Variants in DDIAS observed in about 807,000 individuals in gnomAD.
DDIAS encodes DNA damage induced apoptosis suppressor.
DDIAS carries 14 observed loss-of-function variants against 15.7 expected under a neutral mutation model. The ratio of observed to expected loss-of-function variants is 0.89; its 90% CI spans 0.59 to 1.39. The LOEUF is 1.39. DDIAS is among the 40% of genes most tolerant of loss of function. The pLI is 0.00. For missense variants in DDIAS, 1,035 were observed against 1,130.9 expected (o/e 0.92, Z 1.22); for synonymous variants, 355 against 395.9 (o/e 0.90, Z 1.23).
At chr11:82,929,928 C>A (rs1860948431) in intron 4 of DDIAS, among the ~76,000 whole-genome samples, 2 of 152,098 alleles carry the variant, frequency 1.3e-5, no homozygotes, top group Non-Finnish European at 2.9e-5. Flanking sequence ...CATTGCCGGG[C>A]CTGATGGTTA....
At chr11:82,913,661 C>A in intron 2 of DDIAS, 1 of 426,642 alleles carries the variant, frequency 2.3e-6, no homozygotes, top group Admixed American at 3.0e-5. Context: ...CAAGATGTAT[C>A]AAATGAGCAC....
Position 82,932,529 on chromosome 11 carries a change from A to T in DDIAS, c.1191A>T (p.Arg397Ser). ...RSACCPPSLL[R>S]LEETASSSQD... ...CATGTTGTCCACCTTCGTTACTCAGACTTGAAGAGACAGCCAGCAGTTCCC... is the reference window on the plus strand; with the variant it reads ...CATGTTGTCCACCTTCGTTACTCAGTCTTGAAGAGACAGCCAGCAGTTCCC... The change falls in exon 6 of 6, where the codon AGA becomes AGT. Residue 397 changes from arginine to serine, a missense_variant. Transcript: ENST00000533655. The T allele has an allele frequency of 6.2e-7, 1 of 1,614,168 alleles. No individual in the cohort carries two copies. The highest frequency in any genetic ancestry group is 8.5e-7 in the Non-Finnish European group (1 of 1,180,016).
intron 3 of DDIAS, among the ~76,000 whole-genome samples, chr11:82,925,128 T>G (rs1860832683): frequency 6.6e-6 from 1 of 152,228 alleles, no homozygotes; most frequent in South Asian, 2.1e-4. Flanking sequence ...TTGCAAAATG[T>G]AAAACAATGC....
intron 5 of DDIAS, among the ~76,000 whole-genome samples, chr11:82,931,267 A>C (rs1190035614): frequency 2.0e-5 from 3 of 152,198 alleles, no homozygotes; most frequent in African/African-American, 7.2e-5. Context: ...TACATATGCT[A>C]CTTTGCCTAT....
intron 3 of DDIAS, among the ~76,000 whole-genome samples, chr11:82,924,256 G>T (rs192714083): frequency 1.3e-5 from 2 of 152,102 alleles, no homozygotes; most frequent in Non-Finnish European, 2.9e-5. Flanking sequence ...TTTAATCTGG[G>T]TCTATAAACT....
chr11:82,926,021 A>T (rs34902445), intron 3 of DDIAS, among the ~76,000 whole-genome samples: 1 of 151,796 alleles, frequency 6.6e-6, no homozygotes, highest in Non-Finnish European at 1.5e-5. Flanking sequence ...GGTAATCATT[A>T]TACAGTGTAG....
chr11:82,928,842 C>G lies in DDIAS; in HGVS notation c.179C>G (p.Ser60Cys), dbSNP rs757123332. Residue 60 changes from serine to cysteine, a missense_variant, in exon 4 of 6, where the codon TCC (serine) becomes TGC (cysteine). Physicochemically the swap from Ser to Cys is moderately radical, Grantham distance 112. Coordinates refer to ENST00000533655, the MANE Select transcript of DDIAS (RefSeq NM_145018.4). ...SGNANYRYKL[S>C]LKVAESNKLF... ...AATGCCAATTACAGATACAAACTTT[C>G]CTTAAAAGTTGCAGAATCAAACAAA... 1 of 1,613,004 alleles carries G rather than the reference C, an allele frequency of 6.2e-7. No individual in the cohort carries two copies. Among genetic ancestry groups the G allele is most frequent in the Admixed American group, 1.7e-5 (1 of 59,844 alleles).
chr11:82,910,432 G>C (rs1860507792), intron 1 of DDIAS, among the ~76,000 whole-genome samples: 2 of 151,278 alleles, frequency 1.3e-5, no homozygotes. Flanking sequence ...TGCACACCAG[G>C]CTAATTTTGT....
intron 1 of DDIAS, among the ~76,000 whole-genome samples, chr11:82,906,693 G>C (rs768851999): frequency 2.0e-5 from 3 of 152,068 alleles, no homozygotes; most frequent in Non-Finnish European, 2.9e-5. Flanking sequence ...AAAGAAAATA[G>C]TCTCTGCTCA....
In DDIAS at chr11:82,932,987, A is replaced by T. The variant is rs1210581674; in HGVS notation, c.1649A>T (p.Glu550Val). 8 of 1,611,838 alleles carry T rather than the reference A, an allele frequency of 5.0e-6. No individual in the cohort carries two copies. The South Asian group carries it at 8.8e-5, about 18-fold the overall frequency. Residue 550 changes from glutamate (E) to valine (V), a missense_variant, in exon 6 of 6, where the codon GAA becomes GTA. Transcript: ENST00000533655. ...CTGTCTTCATCTTCAAAAGATTTAG[A>T]AACAATAGTTACTCTTAAGAAGACT... ...SALSSSSKDL[E>V]TIVTLKKTIR...
chr11:82,922,842 T>G (rs1250377834), intron 3 of DDIAS, among the ~76,000 whole-genome samples: 1 of 152,196 alleles, frequency 6.6e-6, no homozygotes, highest in Non-Finnish European at 1.5e-5. Context: ...GGTCTAGGGC[T>G]GAAGGCTGTT....
chr11:82,906,833 T>TG (rs2121313689), intron 1 of DDIAS, among the ~76,000 whole-genome samples: 1 of 152,322 alleles, frequency 6.6e-6, no homozygotes, highest in Admixed American at 6.5e-5. Flanking sequence ...GATAATTTTA[T>TG]GATTTGGTAA....
At chr11:82,922,151 T>G (rs937995441) in intron 3 of DDIAS, among the ~76,000 whole-genome samples, 1 of 152,166 alleles carries the variant, frequency 6.6e-6, no homozygotes, top group Non-Finnish European at 1.5e-5. Flanking sequence ...ATTCTTTCCT[T>G]TGTCTTAACT....
At chr11:82,912,035 A>T (rs1860538732) in intron 1 of DDIAS, among the ~76,000 whole-genome samples, 1 of 152,126 alleles carries the variant, frequency 6.6e-6, no homozygotes, top group African/African-American at 2.4e-5. Flanking sequence ...CCATAAACAG[A>T]TGTGCTGTCA....
chr11:82,927,279 A>G (rs996028868), intron 3 of DDIAS, among the ~76,000 whole-genome samples: 1 of 152,184 alleles, frequency 6.6e-6, no homozygotes, highest in Non-Finnish European at 1.5e-5. Flanking sequence ...GTACTAATGG[A>G]GTTTTATCCC....
intron 3 of DDIAS, among the ~76,000 whole-genome samples, chr11:82,924,040 C>T (rs1366067975): frequency 6.6e-6 from 1 of 152,166 alleles, no homozygotes; most frequent in Admixed American, 6.5e-5. Flanking sequence ...ACTTTCTTTT[C>T]CTATCTTAAA....
At chr11:82,914,946 G>A (rs1860604202) in intron 3 of DDIAS, 95 bp downstream of exon 3, 4 of 763,776 alleles carry the variant, frequency 5.2e-6, no homozygotes. Context: ...TACCAAACAA[G>A]GACATTAGAT....
intron 5 of DDIAS, 40 bp downstream of exon 5, chr11:82,930,314 T>C (rs1259712214): frequency 5.9e-6 from 8 of 1,346,704 alleles, no homozygotes; most frequent in Non-Finnish European, 8.4e-6. Context: ...TCTGTTAACA[T>C]TTCCATTGTA....
chr11:82,926,110 CAG>C (rs1034873473), intron 3 of DDIAS, among the ~76,000 whole-genome samples: 7 of 56,646 alleles, frequency 1.2e-4, no homozygotes, highest in Non-Finnish European at 2.4e-4. Context: ...TTTTTTGAGA[CAG>C]GGTCTGGCTC....
Sources: allele counts gnomAD v4.1 joint callset (sites outside exome capture counted in the v4.1 genomes callset), GRCh38; gene constraint gnomAD v4.1.1; transcripts MANE v1.5; gene names NCBI Gene and HGNC (gene_info 2026-07-23, HGNC 2026-07-21).